Variants in CSMD1 observed in about 807,000 individuals in gnomAD.
CSMD1 encodes the protein CUB and sushi domain-containing protein 1.
Under a neutral mutation model 417.5 loss-of-function variants are expected in CSMD1, and 213 were observed. That is an observed-to-expected ratio of 0.51 (90% CI 0.46 to 0.57). CSMD1 has a LOEUF of 0.57. Among genes scored for constraint, CSMD1 ranks in the 20% least tolerant of loss-of-function variants. The pLI, the probability that CSMD1 is intolerant of heterozygous loss-of-function variation, is 0.00. For missense variants in CSMD1, 6,923 were observed against 4,529.7 expected (o/e 1.53, Z -15.17); for synonymous variants, 2,862 against 1,736.8 (o/e 1.65, Z -16.11).
intron 3 of CSMD1, among the ~76,000 whole-genome samples, chr8:4,197,628 C>T (rs771937125): frequency 3.9e-5 from 6 of 152,176 alleles, no homozygotes; most frequent in African/African-American, 7.2e-5. Context: ...CCTGAAATCC[C>T]AGCATTTTGG....
intron 20 of CSMD1, among the ~76,000 whole-genome samples, chr8:3,363,871 A>T (rs1363777416): frequency 6.6e-6 from 1 of 152,208 alleles, no homozygotes; most frequent in Non-Finnish European, 1.5e-5. Context: ...AACTAGTAGC[A>T]GACAATGTTA....
At chr8:4,107,200 C>G (rs1251792938) in intron 3 of CSMD1, among the ~76,000 whole-genome samples, 1 of 152,198 alleles carries the variant, frequency 6.6e-6, no homozygotes, top group Middle Eastern at 3.2e-3. Context: ...CTGAAAAACA[C>G]TTGCACTACT....
At chr8:4,818,748 T>G (rs1799351311) in intron 1 of CSMD1, among the ~76,000 whole-genome samples, 1 of 152,198 alleles carries the variant, frequency 6.6e-6, no homozygotes, top group East Asian at 1.9e-4. Context: ...TAACTCATAG[T>G]CTGATTATAA....
At chr8:3,703,270 G>T (rs1034065035) in intron 7 of CSMD1, among the ~76,000 whole-genome samples, 1 of 152,186 alleles carries the variant, frequency 6.6e-6, no homozygotes, top group African/African-American at 2.4e-5. Flanking sequence ...TTTTGTGCAT[G>T]TTAATGATGA....
At chr8:4,140,562 G>A (rs1363957063) in intron 3 of CSMD1, among the ~76,000 whole-genome samples, 2 of 150,956 alleles carry the variant, frequency 1.3e-5, no homozygotes, top group East Asian at 1.9e-4. Flanking sequence ...CAGCTACTAG[G>A]GAGGCTAAGG....
chr8:4,603,274 A>T (rs1563326028), intron 2 of CSMD1, among the ~76,000 whole-genome samples: 3 of 151,904 alleles, frequency 2.0e-5, no homozygotes, highest in African/African-American at 7.2e-5. Flanking sequence ...TACTCCTTTA[A>T]TTTTTTTTAC....
chr8:4,738,171 T>C (rs1810364486), intron 1 of CSMD1, among the ~76,000 whole-genome samples: 1 of 152,216 alleles, frequency 6.6e-6, no homozygotes, highest in Non-Finnish European at 1.5e-5. Context: ...TTAGTTTATT[T>C]GGTTTGATAG....
intron 10 of CSMD1, among the ~76,000 whole-genome samples, chr8:3,560,581 G>C (rs890667550): frequency 6.6e-6 from 1 of 152,150 alleles, no homozygotes; most frequent in Non-Finnish European, 1.5e-5. Flanking sequence ...ATGAATGGGA[G>C]AGGAAGAAGG....
intron 5 of CSMD1, among the ~76,000 whole-genome samples, chr8:3,918,521 C>T (rs914875711): frequency 6.6e-6 from 1 of 151,984 alleles, no homozygotes; most frequent in African/African-American, 2.4e-5. Flanking sequence ...GTTATTTGCC[C>T]ATTTTTAATT....
intron 23 of CSMD1, among the ~76,000 whole-genome samples, chr8:3,318,153 T>A (rs1805902078): frequency 6.6e-6 from 1 of 152,238 alleles, no homozygotes; most frequent in Admixed American, 6.5e-5. Context: ...ATGAAGCTAG[T>A]AAATTATATA....
At chr8:4,130,523 T>G (rs1411103051) in intron 3 of CSMD1, among the ~76,000 whole-genome samples, 1 of 152,202 alleles carries the variant, frequency 6.6e-6, no homozygotes, top group Non-Finnish European at 1.5e-5. Flanking sequence ...TCTGAAGTTT[T>G]GCATTAGGAT....
chr8:4,372,950 G>C (rs190885059), intron 3 of CSMD1, among the ~76,000 whole-genome samples: 3 of 152,224 alleles, frequency 2.0e-5, no homozygotes, highest in South Asian at 2.1e-4. Context: ...TGCTTCCGAA[G>C]AGTGCAGTGT....
intron 1 of CSMD1, among the ~76,000 whole-genome samples, chr8:4,831,812 C>A (rs1800167618): frequency 6.6e-6 from 1 of 152,124 alleles, no homozygotes; most frequent in Non-Finnish European, 1.5e-5. Context: ...CAGCATCTCC[C>A]ACCCCCTCCC....
intron 7 of CSMD1, among the ~76,000 whole-genome samples, chr8:3,647,766 G>C (rs1797650017): frequency 1.3e-5 from 2 of 152,180 alleles, no homozygotes; most frequent in Admixed American, 6.5e-5. Context: ...GAGACAGAGA[G>C]AAAGAGTGAG....
intron 1 of CSMD1, among the ~76,000 whole-genome samples, chr8:4,846,941 G>C (rs1801180644): frequency 6.6e-6 from 1 of 151,772 alleles, no homozygotes; most frequent in South Asian, 2.1e-4. Context: ...CTATTCATTG[G>C]GAGAAAAAGA....
intron 64 of CSMD1, 148 bp downstream of exon 64, chr8:2,955,441 C>T (rs950708855): frequency 4.5e-5 from 30 of 661,742 alleles, no homozygotes; most frequent in Middle Eastern, 2.5e-4. Flanking sequence ...ACACAGCTCA[C>T]GCACATGAAG....
At chr8:4,004,348 T>C (rs1044877253) in intron 4 of CSMD1, among the ~76,000 whole-genome samples, 5 of 151,810 alleles carry the variant, frequency 3.3e-5, no homozygotes, top group African/African-American at 1.2e-4. Flanking sequence ...AGAGAGTATA[T>C]CCACAAACAA....
intron 3 of CSMD1, among the ~76,000 whole-genome samples, chr8:4,047,375 G>C (rs748971126): frequency 6.6e-6 from 1 of 152,128 alleles, no homozygotes; most frequent in Non-Finnish European, 1.5e-5. Flanking sequence ...CATGGAATAG[G>C]AACAATCTTG....
intron 1 of CSMD1, among the ~76,000 whole-genome samples, chr8:4,733,536 T>A (rs1233048913): frequency 6.6e-6 from 1 of 152,226 alleles, no homozygotes; most frequent in South Asian, 2.1e-4. Flanking sequence ...AGATAGATAG[T>A]GCATTGCCCA....
Sources: gnomAD v4.1 joint callset for allele counts (sites outside exome capture counted in the v4.1 genomes callset) on GRCh38, gnomAD v4.1.1 for gene constraint, MANE v1.5 for transcripts, NCBI Gene and HGNC (gene_info 2026-07-23, HGNC 2026-07-21) for gene names.